The following TBC1D1 variants were observed in gnomAD, a reference collection of about 807,000 sequenced individuals.
TBC1D1 encodes TBC1 domain family member 1.
TBC1D1 carries 89 observed loss-of-function variants against 125.6 expected under a neutral mutation model. The observed-to-expected ratio is 0.71, with a 90% CI of 0.60 to 0.85. The LOEUF (loss-of-function observed/expected upper bound fraction) is 0.85. Ranked by LOEUF, TBC1D1 falls within the 40% of genes least tolerant of loss-of-function variation. The pLI is 0.00. For synonymous variants in TBC1D1, 565 were observed against 564.1 expected (o/e 1.00, Z -0.02); for missense variants, 1,377 against 1,469.2 (o/e 0.94, Z 1.03).
intron 18 of TBC1D1, among the ~76,000 whole-genome samples, chr4:38,127,261 G>A (rs371527969): frequency 3.8e-4 from 58 of 152,188 alleles, no homozygotes; most frequent in African/African-American, 1.3e-3. Context: ...ATCAGGTGCT[G>A]TTTCAGTGCT....
chr4:37,963,509 C>T (rs1054014137), intron 2 of TBC1D1, among the ~76,000 whole-genome samples: 2 of 152,112 alleles, frequency 1.3e-5, no homozygotes, highest in Admixed American at 6.5e-5. Context: ...AAAAATTAGC[C>T]GGGCATGGTG....
At position 37,960,489 on chromosome 4, in the gene TBC1D1, G is replaced by A; in HGVS notation, c.418-54020G>A. 5 of 1,614,060 alleles carry A rather than the reference G, an allele frequency of 3.1e-6. No individual in the cohort carries two copies. In the East Asian group the frequency reaches 6.7e-5, roughly 22 times the overall value. Reference sequence around the variant, plus strand: ...AATTGGAGAACCAGGCACCCGTGTGGCTGCCAAGGATGTGCTGAAGCTGGA... The same window carrying A: ...AATTGGAGAACCAGGCACCCGTGTGACTGCCAAGGATGTGCTGAAGCTGGA... On this transcript the variant is annotated intron_variant, in intron 2 of 19. Coordinates refer to ENST00000261439, the MANE Select transcript of TBC1D1 (RefSeq NM_015173.4).
chr4:37,995,736 G>A lies in TBC1D1; in HGVS notation c.418-18773G>A, dbSNP rs147117482. The A allele has an allele frequency of 1.9e-6, 1 of 528,708 alleles. No individual in the cohort carries two copies. The highest frequency in any genetic ancestry group is 3.8e-6 in the Non-Finnish European group (1 of 263,876). 32.8% of individuals were successfully genotyped at this position (528,708 alleles called of 1,614,324 possible). A position where few individuals can be genotyped will look rare whatever the true frequency, so the allele number is the denominator to read the frequency against. ...AGTATTTGGAAATGGTTGTCTGGAC[G>A]GCTTGCACTTTGGTCTTAACTGCAT... On this transcript the variant is annotated intron_variant, in intron 2 of 19. Transcript: ENST00000261439. This position sits in a 1 kb window ranked among gnomAD's most constrained non-coding sequence, Gnocchi z 4.3.
intron 2 of TBC1D1, among the ~76,000 whole-genome samples, chr4:38,000,207 C>T (rs1738734996): frequency 6.6e-6 from 1 of 152,174 alleles, no homozygotes; most frequent in African/African-American, 2.4e-5. Context: ...AGACATGACT[C>T]GTGGTGGTGG....
chr4:38,084,151 G>A (rs1757072271), intron 12 of TBC1D1, among the ~76,000 whole-genome samples: 1 of 152,134 alleles, frequency 6.6e-6, no homozygotes, highest in African/African-American at 2.4e-5. Context: ...AGCCAGGATG[G>A]TCTCGATCTC....
chr4:37,965,360 C>T (rs898285916), intron 2 of TBC1D1, among the ~76,000 whole-genome samples: 2 of 152,192 alleles, frequency 1.3e-5, no homozygotes, highest in Admixed American at 1.3e-4. Context: ...CAGTGTCTGG[C>T]AGATAGGAAG....
chr4:37,900,275 A>G (rs1715629817), intron 1 of TBC1D1, among the ~76,000 whole-genome samples: 1 of 152,174 alleles, frequency 6.6e-6, no homozygotes, highest in African/African-American at 2.4e-5. Flanking sequence ...GTGGATCCCT[A>G]GGGCAAACCA....
At chr4:37,926,935 G>A (rs1157175263) in intron 2 of TBC1D1, among the ~76,000 whole-genome samples, 1 of 152,122 alleles carries the variant, frequency 6.6e-6, no homozygotes, top group Non-Finnish European at 1.5e-5. Context: ...TGGCCAACAT[G>A]GTGAAACCCC....
intron 2 of TBC1D1, among the ~76,000 whole-genome samples, chr4:37,920,986 T>C (rs1467011508): frequency 6.6e-6 from 1 of 151,808 alleles, no homozygotes; most frequent in Admixed American, 6.6e-5. Context: ...GGCGGGTGCC[T>C]GTAGTCCCAG....
At chr4:38,078,721 C>A (rs1481330328) in intron 12 of TBC1D1, among the ~76,000 whole-genome samples, 2 of 152,200 alleles carry the variant, frequency 1.3e-5, no homozygotes, top group Admixed American at 1.3e-4. Flanking sequence ...TGATCTTGGA[C>A]TTCCCCTCCA....
At chr4:37,956,062 G>A (rs1728877068) in intron 2 of TBC1D1, among the ~76,000 whole-genome samples, 1 of 149,058 alleles carries the variant, frequency 6.7e-6, no homozygotes, top group African/African-American at 2.5e-5. Flanking sequence ...CAACGTCTCT[G>A]TCACTCAGGC....
intron 7 of TBC1D1, among the ~76,000 whole-genome samples, chr4:38,033,983 A>G (rs1746719490): frequency 6.6e-6 from 1 of 152,240 alleles, no homozygotes; most frequent in African/African-American, 2.4e-5. Context: ...AATTGTGAAT[A>G]AAGATGCTGT....
At chr4:37,917,564 G>A (rs977630998) in intron 2 of TBC1D1, among the ~76,000 whole-genome samples, 1 of 152,182 alleles carries the variant, frequency 6.6e-6, no homozygotes, top group African/African-American at 2.4e-5. Context: ...CACAGTAGAT[G>A]GGGATGGAGG....
chr4:38,066,150 G>A lies in TBC1D1; in HGVS notation c.2050+11812G>A, dbSNP rs190018554. Among the ~76,000 whole-genome samples, 702 of 152,170 alleles carry A rather than the reference G, an allele frequency of 4.6e-3. 5 individuals are homozygous for A. The highest frequency in any genetic ancestry group is 7.5e-3 in the Non-Finnish European group (507 of 68,006). ...GATAGGTTTGCTCACTTAAATTAGT[G>A]CTTGTACAGTAATGGGCTGTGTTAG... On this transcript the variant is annotated intron_variant, in intron 12 of 19. Transcript: ENST00000261439.
rs1763253226 is a variant in TBC1D1 at position 38,118,026 on chromosome 4, C to A, written c.2803-7C>A. On this transcript the variant is annotated splice_region_variant and splice_polypyrimidine_tract_variant and intron_variant, in intron 16 of 19. Coordinates refer to ENST00000261439, the MANE Select transcript of TBC1D1 (RefSeq NM_015173.4). ...AATTCTCAGCCCTTGTGGCTGTCTT[C>A]CTGCAGATCCAGATGTACCAGCTCT... The A allele has an allele frequency of 6.2e-7, 1 of 1,613,674 alleles. No individual in the cohort carries two copies. The highest frequency in any genetic ancestry group is 1.3e-5 in the African/African-American group (1 of 74,928).
At chr4:38,058,037 C>T (rs1401719421) in intron 12 of TBC1D1, among the ~76,000 whole-genome samples, 2 of 152,210 alleles carry the variant, frequency 1.3e-5, no homozygotes, top group African/African-American at 4.8e-5. Context: ...CTGCATGTCT[C>T]CCTGTTGGCC....
At position 37,902,115 on chromosome 4, in the gene TBC1D1, C is replaced by A; in HGVS notation, c.20C>A (p.Thr7Lys). 6.2e-7 allele frequency: 1 copy of A among 1,605,218 alleles called. No homozygotes were observed. Among genetic ancestry groups the A allele is most frequent in the Non-Finnish European group, 8.5e-7 (1 of 1,176,078 alleles). The change falls in exon 2 of 20, where the codon ACA becomes AAA. Residue 7 changes from threonine to lysine, a missense_variant. Thr to Lys is a moderately conservative substitution (Grantham distance 78, BLOSUM62 -1). Transcript: ENST00000261439. ...CCCAAGATGGAACCAATAACATTCA[C>A]AGCAAGGAAACATCTGCTTTCTAAC...
Position 37,956,878 on chromosome 4 carries a change from G to A in TBC1D1, c.417+54366G>A, listed in dbSNP as rs80045224. On this transcript the variant is annotated intron_variant, in intron 2 of 19. Transcript: ENST00000261439. ...CACTTGAACCCAGGAGGTGGAAGAT[G>A]AAGTGAGCAGAGATCGCGCCACCGC... is the stretch of plus-strand genomic sequence containing the variant. Among the ~76,000 whole-genome samples the A allele has an allele frequency of 8.6e-3, 1,309 of 151,496 alleles. 16 individuals are homozygous for A. Among genetic ancestry groups the A allele is most frequent in the African/African-American group, 0.03 (1,231 of 41,240 alleles).
At chr4:37,962,899 T>C (rs1023420142) in intron 2 of TBC1D1, among the ~76,000 whole-genome samples, 6 of 152,244 alleles carry the variant, frequency 3.9e-5, no homozygotes, top group Non-Finnish European at 7.3e-5. Context: ...TGATTTAAAG[T>C]GTGTCTGTGG....
Sources: gnomAD v4.1 joint callset for allele counts (sites outside exome capture counted in the v4.1 genomes callset) on GRCh38, gnomAD v4.1.1 for gene constraint, Gnocchi (gnomAD v3.1) non-coding constraint, MANE v1.5 for transcripts, NCBI Gene and HGNC (gene_info 2026-07-23, HGNC 2026-07-21) for gene names.